Variants in GPC6 observed in about 807,000 individuals in gnomAD.
The protein encoded by GPC6 is glypican 6.
A neutral mutation model predicts 55.2 loss-of-function variants in GPC6; 14 were observed. The ratio of observed to expected loss-of-function variants is 0.25; its 90% CI spans 0.17 to 0.40. The LOEUF is 0.40. Among genes scored for constraint, GPC6 ranks in the 10% least tolerant of loss-of-function variants. The pLI is 1.00. For missense variants in GPC6, 641 were observed against 708.5 expected (o/e 0.90, Z 1.08); for synonymous variants, 278 against 259.6 (o/e 1.07, Z -0.68).
chr13:94,305,874 A>G (rs1408208654), intron 5 of GPC6, 106 bp from the exon 6 acceptor site: 2 of 1,048,868 alleles, frequency 1.9e-6, no homozygotes, highest in African/African-American at 1.6e-5. Context: ...TTGGAGGTAA[A>G]AGTTTCATAA....
At chr13:94,179,005 A>ATAC (rs1165118406) in intron 4 of GPC6, among the ~76,000 whole-genome samples, 13 of 152,094 alleles carry the variant, frequency 8.5e-5, no homozygotes, top group Admixed American at 5.9e-4. Flanking sequence ...CTTGATCTTG[A>ATAC]AGCCTGTTAC....
At chr13:94,288,580 T>C (rs1874670250) in intron 5 of GPC6, among the ~76,000 whole-genome samples, 1 of 83,758 alleles carries the variant, frequency 1.2e-5, no homozygotes, top group Non-Finnish European at 2.2e-5. Flanking sequence ...TTCAGCAACA[T>C]GGTCTCTCTC....
At chr13:93,572,322 C>G (rs1214586238) in intron 2 of GPC6, among the ~76,000 whole-genome samples, 1 of 152,096 alleles carries the variant, frequency 6.6e-6, no homozygotes, top group Non-Finnish European at 1.5e-5. Flanking sequence ...TATATGTACC[C>G]TTTCACATCA....
chr13:94,038,697 G>T (rs531615151), intron 4 of GPC6, among the ~76,000 whole-genome samples: 28 of 151,998 alleles, frequency 1.8e-4, no homozygotes, highest in Admixed American at 1.8e-3. Flanking sequence ...AAGGGTTAAG[G>T]CACATTCACA....
chr13:93,917,129 C>CA (rs1047455835), intron 3 of GPC6, among the ~76,000 whole-genome samples: 4 of 152,228 alleles, frequency 2.6e-5, no homozygotes, highest in Admixed American at 6.5e-5. Flanking sequence ...TCTTTTTGGT[C>CA]AAAGCAGAAT....
intron 2 of GPC6, among the ~76,000 whole-genome samples, chr13:93,590,593 T>C (rs1193403131): frequency 7.2e-5 from 11 of 152,080 alleles, no homozygotes; most frequent in Admixed American, 6.5e-4. Context: ...TCGATAACAA[T>C]AAGTTTTTTA....
chr13:93,412,799 A>T (rs922138732), intron 1 of GPC6, among the ~76,000 whole-genome samples: 2 of 152,332 alleles, frequency 1.3e-5, no homozygotes, highest in Admixed American at 1.3e-4. Context: ...ACCCTGCAGG[A>T]AGGTCTGGCC....
chr13:94,227,231 A>G (rs1270316358), intron 4 of GPC6, among the ~76,000 whole-genome samples: 2 of 152,200 alleles, frequency 1.3e-5, no homozygotes, highest in Non-Finnish European at 2.9e-5. Context: ...TTCAAACAGA[A>G]AGCTACTGCA....
At chr13:93,368,568 C>T (rs1006967213) in intron 1 of GPC6, among the ~76,000 whole-genome samples, 2 of 151,962 alleles carry the variant, frequency 1.3e-5, no homozygotes, top group African/African-American at 4.8e-5. Context: ...CCTCAGACCT[C>T]TAACTTCAGC....
intron 4 of GPC6, among the ~76,000 whole-genome samples, chr13:94,267,360 A>T (rs1013916856): frequency 6.6e-6 from 1 of 152,230 alleles, no homozygotes; most frequent in African/African-American, 2.4e-5. Flanking sequence ...CAAGTTTAGA[A>T]GAACAAATAT....
chr13:94,369,222 G>A (rs1879418011), intron 6 of GPC6, among the ~76,000 whole-genome samples: 1 of 152,180 alleles, frequency 6.6e-6, no homozygotes, highest in African/African-American at 2.4e-5. Context: ...TCTGAAGTCA[G>A]GAACAAATAG....
intron 4 of GPC6, among the ~76,000 whole-genome samples, chr13:94,161,042 T>C (rs1594004917): frequency 6.6e-6 from 1 of 152,200 alleles, no homozygotes; most frequent in South Asian, 2.1e-4. Context: ...CTGAAAATTA[T>C]GCCCTTTGGG....
chr13:93,514,357 T>G (rs552661882), intron 1 of GPC6, among the ~76,000 whole-genome samples: 42 of 152,248 alleles, frequency 2.8e-4, no homozygotes, highest in South Asian at 1.9e-3. Flanking sequence ...ATTTTACCTT[T>G]TCTCATAATA....
chr13:93,506,789 C>A (rs1455460166), intron 1 of GPC6, among the ~76,000 whole-genome samples: 1 of 150,286 alleles, frequency 6.7e-6, no homozygotes, highest in African/African-American at 2.5e-5. Flanking sequence ...ACCTGTAATC[C>A]CGGCACTTTG....
intron 5 of GPC6, among the ~76,000 whole-genome samples, chr13:94,294,223 C>T (rs9516384): frequency 0.026 from 3,904 of 152,118 alleles, 59 homozygotes; most frequent in East Asian, 0.036. Flanking sequence ...TAACTATATT[C>T]GGAATAATTT....
chr13:93,627,535 C>T (rs989087833), intron 2 of GPC6, among the ~76,000 whole-genome samples: 6 of 152,126 alleles, frequency 3.9e-5, no homozygotes, highest in Non-Finnish European at 1.5e-5. Flanking sequence ...ACCCTCCTTC[C>T]ACTGCTGCTT....
At position 94,407,154 on chromosome 13, in the gene GPC6, G is replaced by A. The variant is rs536684545; in HGVS notation, c.*3937G>A. 1 of 152,196 alleles carries A rather than the reference G, an allele frequency of 6.6e-6. No homozygotes were observed. The highest frequency in any genetic ancestry group is 1.9e-4 in the East Asian group (1 of 5,186). 9.4% of individuals were successfully genotyped at this position (152,196 alleles called of 1,614,324 possible). ...CATTTTGAACTTCATTCAAAGTTGA[G>A]TAGTTACTGGAACCTTTGACATTGC... On this transcript the variant is annotated 3_prime_UTR_variant, in exon 9 of 9. Coordinates refer to ENST00000377047, the MANE Select transcript of GPC6 (RefSeq NM_005708.5).
At position 93,987,446 on chromosome 13, in the gene GPC6, CAAAT is replaced by C. The variant is rs1881080936; in HGVS notation, c.712-40278_712-40275del. ...TGCAATTATAATAATGTCAACTAGTCAAATAAATGTTATTTAACACATCCAGTAA... is the reference window on the plus strand; with the variant it reads ...TGCAATTATAATAATGTCAACTAGTCAAATGTTATTTAACACATCCAGTAA... On this transcript the variant is annotated intron_variant, in intron 3 of 8. Transcript: ENST00000377047. 2.6e-5 allele frequency among the ~76,000 whole-genome samples: 4 copies of C among 152,124 alleles called. No individual in the cohort carries two copies. In the South Asian group the frequency reaches 6.2e-4, roughly 24 times the overall value.
At chr13:93,349,178 G>A (rs149836300) in intron 1 of GPC6, among the ~76,000 whole-genome samples, 6 of 152,234 alleles carry the variant, frequency 3.9e-5, no homozygotes, top group Admixed American at 2.6e-4. Flanking sequence ...CTCAAATTAG[G>A]AACTCATTTG....
Sources: gnomAD v4.1 joint callset for allele counts (sites outside exome capture counted in the v4.1 genomes callset) on GRCh38, gnomAD v4.1.1 for gene constraint, MANE v1.5 for transcripts, NCBI Gene and HGNC (gene_info 2026-07-23, HGNC 2026-07-21) for gene names.